The following MSL2 variants were observed in gnomAD, a reference collection of about 807,000 sequenced individuals.
MSL2 encodes MSL complex subunit 2.
In MSL2, 2 loss-of-function variants were observed where a neutral mutation model predicts 35.8. That is an observed-to-expected ratio of 0.06 (90% confidence interval 0.02 to 0.18). The LOEUF is 0.18. Among genes scored for constraint, MSL2 ranks in the 10% least tolerant of loss-of-function variants. The pLI, the probability that MSL2 is intolerant of heterozygous loss-of-function variation, is 1.00. For synonymous variants in MSL2, 296 were observed against 255.7 expected (o/e 1.16, Z -1.50); for missense variants, 523 against 706.7 (o/e 0.74, Z 2.95).
chr3:136,194,914 C>T (rs1446328564), intron 1 of MSL2, 58 bp downstream of exon 1: 3 of 1,608,950 alleles, frequency 1.9e-6, no homozygotes, highest in East Asian at 2.2e-5. Flanking sequence ...CACGTTACCA[C>T]TGCCCAGAAG....
Position 136,152,394 on chromosome 3 carries a change from T to A in MSL2, c.487A>T (p.Thr163Ser). Residue 163 changes from threonine to serine, a missense_variant, in exon 2 of 2, where the codon ACC (threonine) becomes TCC (serine). Thr to Ser is a moderately conservative substitution (Grantham distance 58, BLOSUM62 1). Transcript: ENST00000309993. ...TGAGGATCAGTTGTGGGTTCTGAGG[T>A]TGAAGGTAAAGGGGAATGTGTCAAA... ...LCLTHSPLPS[T>S]SEPTTDPQAS... is the part of the protein sequence containing the mutation. 1 of 1,614,048 alleles carries A rather than the reference T, an allele frequency of 6.2e-7. No homozygotes were observed. The highest frequency in any genetic ancestry group is 8.5e-7 in the Non-Finnish European group (1 of 1,180,006).
intron 1 of MSL2, among the ~76,000 whole-genome samples, chr3:136,154,434 C>G (rs987936350): frequency 1.3e-5 from 2 of 152,180 alleles, no homozygotes; most frequent in Non-Finnish European, 2.9e-5. Context: ...CCCATCTCCA[C>G]TCTTACTCTC....
At position 136,152,335 on chromosome 3, in the gene MSL2, G is replaced by A. The variant is rs141906273; in HGVS notation, c.546C>T (p.Leu182=). 2.5e-6 allele frequency: 4 copies of A among 1,614,162 alleles called. No individual in the cohort carries two copies. The highest frequency in any genetic ancestry group is 3.3e-5 in the Admixed American group (2 of 60,028). The change falls in exon 2 of 2, where the codon CTC becomes CTT. Residue 182 remains leucine, a synonymous_variant. Coordinates refer to ENST00000309993, the MANE Select transcript of MSL2 (RefSeq NM_018133.4). ...ASLSPMSEST[L]SIAIGSSVIN... ...TAACAGAACTGCCAATAGCAATGCT[G>A]AGGGTGCTTTCAGACATTGGAGATA...
chr3:136,155,883 G>A (rs1477298377), intron 1 of MSL2: 4 of 576,048 alleles, frequency 6.9e-6, no homozygotes, highest in Admixed American at 1.9e-5. Flanking sequence ...TTTCTACCTG[G>A]CTGTGATGGC....
At chr3:136,157,553 A>T (rs558291001) in intron 1 of MSL2, among the ~76,000 whole-genome samples, 1 of 152,208 alleles carries the variant, frequency 6.6e-6, no homozygotes, top group African/African-American at 2.4e-5. Context: ...AACCAATACA[A>T]GAGAAAGCAG....
intron 1 of MSL2, among the ~76,000 whole-genome samples, chr3:136,189,490 G>A (rs1286454755): frequency 2.0e-5 from 3 of 147,616 alleles, no homozygotes; most frequent in African/African-American, 5.0e-5. Flanking sequence ...TTTGGGAGGC[G>A]GAGTCGGGCG....
chr3:136,185,076 G>A (rs2108090911), intron 1 of MSL2, among the ~76,000 whole-genome samples: 1 of 152,184 alleles, frequency 6.6e-6, no homozygotes, highest in African/African-American at 2.4e-5. Context: ...CCAGGTTCAG[G>A]CAATTCTCCT....
At chr3:136,154,648 A>G (rs1192188015) in intron 1 of MSL2, among the ~76,000 whole-genome samples, 2 of 152,258 alleles carry the variant, frequency 1.3e-5, no homozygotes, top group African/African-American at 2.4e-5. Flanking sequence ...CAAAAACATC[A>G]TAAGAGAAAC....
intron 1 of MSL2, among the ~76,000 whole-genome samples, chr3:136,184,396 T>G (rs796788566): frequency 5.7e-4 from 84 of 148,356 alleles, no homozygotes; most frequent in African/African-American, 2.0e-3. Flanking sequence ...AGGTCAGGAG[T>G]TCAAGACCAG....
chr3:136,179,066 C>T (rs1196606556), intron 1 of MSL2, among the ~76,000 whole-genome samples: 3 of 149,864 alleles, frequency 2.0e-5, no homozygotes, highest in Non-Finnish European at 4.4e-5. Context: ...GAATTCACCA[C>T]AGCCTTGACC....
At chr3:136,163,462 T>C (rs1939764078) in intron 1 of MSL2, among the ~76,000 whole-genome samples, 1 of 152,166 alleles carries the variant, frequency 6.6e-6, no homozygotes, top group Admixed American at 6.5e-5. Flanking sequence ...GAAAAACAAT[T>C]TCCTTTTCAA....
At chr3:136,182,172 T>A (rs535193692) in intron 1 of MSL2, among the ~76,000 whole-genome samples, 2 of 152,294 alleles carry the variant, frequency 1.3e-5, no homozygotes, top group East Asian at 3.9e-4. Flanking sequence ...AGGAAGCCAT[T>A]ACACTCACAT....
chr3:136,152,629 G>A lies in MSL2; in HGVS notation c.252C>T (p.Cys84=). 1 of 1,614,162 alleles carries A rather than the reference G, an allele frequency of 6.2e-7. No homozygotes were observed. Among genetic ancestry groups the A allele is most frequent in the Non-Finnish European group, 8.5e-7 (1 of 1,180,038 alleles). The change falls in exon 2 of 2, where the codon TGC becomes TGT. Residue 84 remains cysteine (C), a synonymous_variant. Coordinates refer to ENST00000309993, the MANE Select transcript of MSL2 (RefSeq NM_018133.4). Reference sequence around the variant, plus strand: ...TTTCCTCAAACTGCTCATAGTCTTTGCACCAGCTACAGGAAGGTTTCATCA... The same window carrying A: ...TTTCCTCAAACTGCTCATAGTCTTTACACCAGCTACAGGAAGGTTTCATCA... ...KMMMKPSCSW[C]KDYEQFEENK... is the part of the protein sequence containing the mutation.
intron 1 of MSL2, among the ~76,000 whole-genome samples, chr3:136,173,202 CTTCT>C (rs1477910974): frequency 6.6e-6 from 1 of 152,118 alleles, no homozygotes; most frequent in Non-Finnish European, 1.5e-5. Context: ...GTGGAACATA[CTTCT>C]TTCTAGAGTG....
intron 1 of MSL2, among the ~76,000 whole-genome samples, chr3:136,187,354 A>T (rs1324124755): frequency 6.6e-6 from 1 of 152,122 alleles, no homozygotes; most frequent in Non-Finnish European, 1.5e-5. Context: ...GAATCCTCTT[A>T]TTAGAGACTC....
intron 1 of MSL2, among the ~76,000 whole-genome samples, chr3:136,159,166 T>G (rs1469722627): frequency 1.3e-5 from 2 of 152,014 alleles, no homozygotes. Context: ...ATTACAGGAC[T>G]TACACTACCA....
intron 1 of MSL2, chr3:136,194,333 C>A (rs1333070109): frequency 2.4e-6 from 2 of 823,804 alleles, no homozygotes; most frequent in African/African-American, 3.7e-5. Context: ...TCTAAAATAA[C>A]CCTCGACAAA....
At chr3:136,176,515 C>CA (rs771021498) in intron 1 of MSL2, among the ~76,000 whole-genome samples, 2,731 of 52,892 alleles carry the variant, frequency 0.052, 83 homozygotes, top group Middle Eastern at 0.11. Context: ...GACCCTCTCT[C>CA]AAAAAAAAAA....
intron 1 of MSL2, among the ~76,000 whole-genome samples, chr3:136,186,197 CAT>C (rs1940518042): frequency 6.6e-6 from 1 of 152,266 alleles, no homozygotes; most frequent in East Asian, 1.9e-4. Context: ...CAATTTTTCC[CAT>C]ATGTCTGTGT....
Sources: allele counts gnomAD v4.1 joint callset (sites outside exome capture counted in the v4.1 genomes callset), GRCh38; gene constraint gnomAD v4.1.1; transcripts MANE v1.5; gene names NCBI Gene and HGNC (gene_info 2026-07-23, HGNC 2026-07-21).